The following ELFN1 variants were observed in gnomAD, a reference collection of about 807,000 sequenced individuals.
The protein encoded by ELFN1 is extracellular leucine rich repeat and fibronectin type III domain containing 1.
In ELFN1, 6 loss-of-function variants were observed where a neutral mutation model predicts 7.6. The ratio of observed to expected loss-of-function variants is 0.79; its 90% CI spans 0.43 to 1.56. ELFN1 has a LOEUF of 1.56. Among genes scored for constraint, ELFN1 ranks in the 40% most tolerant of loss-of-function variants. The pLI is 0.01. For missense variants in ELFN1, 1,169 were observed against 1,232.2 expected, an observed-to-expected ratio of 0.95 and a Z score of 0.77; for synonymous variants, 657 against 588.1, an observed-to-expected ratio of 1.12 and a Z score of -1.70.
At chr7:1,672,199 G>C (rs1778780944) in intron 1 of ELFN1, among the ~76,000 whole-genome samples, 1 of 152,192 alleles carries the variant, frequency 6.6e-6, no homozygotes, top group African/African-American at 2.4e-5. Flanking sequence ...TGGGGTAAGG[G>C]TGCAGGGATG....
chr7:1,742,523 A>G (rs1374454135), intron 3 of ELFN1, among the ~76,000 whole-genome samples: 1 of 152,228 alleles, frequency 6.6e-6, no homozygotes, highest in Non-Finnish European at 1.5e-5. Flanking sequence ...TGCACACGGC[A>G]TGATGGTGAC....
chr7:1,732,124 G>A lies in ELFN1; in HGVS notation c.-293-12180G>A, dbSNP rs117742519. Among the ~76,000 whole-genome samples, 702 of 152,312 alleles carry A rather than the reference G, an allele frequency of 4.6e-3. 5 individuals carry two copies. Among genetic ancestry groups the A allele is most frequent in the Middle Eastern group, 0.017 (5 of 294 alleles). On this transcript the variant is annotated intron_variant, in intron 3 of 3. Coordinates refer to ENST00000424383, the MANE Select transcript of ELFN1 (RefSeq NM_001128636.4). ...TAGATGGGAATCAGAGCCTGGCAGC[G>A]TGGGGTCACAGCGGAGCAAGCACAG...
intron 1 of ELFN1, among the ~76,000 whole-genome samples, chr7:1,683,858 C>T (rs1779016070): frequency 3.3e-5 from 5 of 152,292 alleles, no homozygotes; most frequent in African/African-American, 9.6e-5. Context: ...CATTAATTTA[C>T]CTACTCCAGG....
chr7:1,706,143 G>C (rs145065357), intron 2 of ELFN1, among the ~76,000 whole-genome samples: 2 of 152,340 alleles, frequency 1.3e-5, no homozygotes, highest in East Asian at 3.9e-4. Context: ...CTCAGCAGCT[G>C]GCTGGGCACC....
intron 2 of ELFN1, among the ~76,000 whole-genome samples, chr7:1,690,306 G>T (rs1460896937): frequency 2.0e-5 from 3 of 150,316 alleles, no homozygotes; most frequent in Non-Finnish European, 4.4e-5. Context: ...TGGATGGGTG[G>T]ATTGGTGGGT....
intron 3 of ELFN1, among the ~76,000 whole-genome samples, chr7:1,723,070 T>C (rs1219462263): frequency 6.6e-6 from 1 of 152,154 alleles, no homozygotes; most frequent in African/African-American, 2.4e-5. Context: ...GGCAGGTGCC[T>C]ATAATCCCAG....
chr7:1,709,455 A>G (rs998319619), intron 3 of ELFN1, among the ~76,000 whole-genome samples: 7 of 152,232 alleles, frequency 4.6e-5, no homozygotes, highest in African/African-American at 1.7e-4. Context: ...CAGAGGCCGC[A>G]GGGGTGGCCT....
At chr7:1,741,859 A>T (rs534738035) in intron 3 of ELFN1, among the ~76,000 whole-genome samples, 1 of 151,572 alleles carries the variant, frequency 6.6e-6, no homozygotes, top group African/African-American at 2.4e-5. Flanking sequence ...CTGCCCAGAC[A>T]GGGGGTCCTC....
At chr7:1,724,676 C>A in intron 3 of ELFN1, among the ~76,000 whole-genome samples, 1 of 152,156 alleles carries the variant, frequency 6.6e-6, no homozygotes, top group Non-Finnish European at 1.5e-5. Flanking sequence ...CTGACCACAG[C>A]CTTGCCAGAG....
rs559342595 is a variant in ELFN1, at chr7:1,695,996, C to T, written c.-456+7846C>T. On this transcript the variant is annotated intron_variant, in intron 2 of 3. Transcript: ENST00000424383. The surrounding 1 kb of genome is among the most constrained non-coding windows in gnomAD (Gnocchi z 5.1). ...TGACTCCTGCCTGCCTTTGTCGGCCCCGGCTCTCATAACAAAAGCGGGACA... is the reference window on the plus strand; with the variant it reads ...TGACTCCTGCCTGCCTTTGTCGGCCTCGGCTCTCATAACAAAAGCGGGACA... Among the ~76,000 whole-genome samples, 1 of 152,238 alleles carries T rather than the reference C, an allele frequency of 6.6e-6. No homozygotes were observed. Among genetic ancestry groups the T allele is most frequent in the South Asian group, 2.1e-4 (1 of 4,824 alleles).
rs1381343669 is a variant in ELFN1, at chr7:1,678,053, A to G, written c.-549+7699A>G. 2.6e-5 allele frequency among the ~76,000 whole-genome samples: 4 copies of G among 152,250 alleles called. No individual in the cohort carries two copies. The South Asian group carries it at 6.2e-4, about 24-fold the overall frequency. ...GTCCCCAGAGACAGCTTTTCAGAGA[A>G]ACAACTCACCAGAAATCCAGTGTTC... is the stretch of plus-strand genomic sequence containing the variant. On this transcript the variant is annotated intron_variant, in intron 1 of 3. Transcript: ENST00000424383.
At chr7:1,726,048 TCACACACAATACACA>T (rs879653555) in intron 3 of ELFN1, among the ~76,000 whole-genome samples, 52 of 151,484 alleles carry the variant, frequency 3.4e-4, no homozygotes, top group South Asian at 1.3e-3. Context: ...AAAATCACAC[TCACACACAATACACA>T]CACACACAAT....
intron 3 of ELFN1, among the ~76,000 whole-genome samples, chr7:1,714,922 G>C (rs1421250641): frequency 7.2e-5 from 11 of 152,216 alleles, no homozygotes; most frequent in Admixed American, 7.2e-4. Context: ...AATGGTCCAG[G>C]TTCCTTGTAG....
intron 2 of ELFN1, chr7:1,693,907 C>G (rs1436406212): frequency 2.5e-6 from 1 of 400,110 alleles, no homozygotes; most frequent in Non-Finnish European, 5.2e-6. Flanking sequence ...CCACCTCCTC[C>G]TGCGTGCCGG....
chr7:1,716,634 G>C (rs1163609781), intron 3 of ELFN1, among the ~76,000 whole-genome samples: 3 of 152,210 alleles, frequency 2.0e-5, no homozygotes, highest in Non-Finnish European at 4.4e-5. Flanking sequence ...TACGTGTCAC[G>C]TGATGACCCC....
At chr7:1,718,127 C>T (rs769738159) in intron 3 of ELFN1, among the ~76,000 whole-genome samples, 1 of 152,194 alleles carries the variant, frequency 6.6e-6, no homozygotes, top group Non-Finnish European at 1.5e-5. Flanking sequence ...CATCTGCATC[C>T]CAGCTGTCAA....
rs2128603259 is a variant in ELFN1, at chr7:1,740,602, T to G, written c.-293-3702T>G. On this transcript the variant is annotated intron_variant, in intron 3 of 3. Coordinates refer to ENST00000424383, the MANE Select transcript of ELFN1 (RefSeq NM_001128636.4). This position sits in a 1 kb window ranked among gnomAD's most constrained non-coding sequence, Gnocchi z 5.0. Reference sequence around the variant, plus strand: ...GCCTGTGGTCTGTCCAGAACCTTCCTAGGTGATTCGGCCTTTCCCTGTTTC... The same window carrying G: ...GCCTGTGGTCTGTCCAGAACCTTCCGAGGTGATTCGGCCTTTCCCTGTTTC... Among the ~76,000 whole-genome samples, 1 of 152,266 alleles carries G rather than the reference T, an allele frequency of 6.6e-6. No individual in the cohort carries two copies. The highest frequency in any genetic ancestry group is 2.1e-4 in the South Asian group (1 of 4,830).
chr7:1,727,185 T>A (rs1780221269), intron 3 of ELFN1, among the ~76,000 whole-genome samples: 1 of 152,172 alleles, frequency 6.6e-6, no homozygotes, highest in Admixed American at 6.5e-5. Context: ...ATTGTGAGAA[T>A]GAAGAATGAA....
intron 3 of ELFN1, among the ~76,000 whole-genome samples, chr7:1,725,569 T>C (rs1780168638): frequency 6.6e-6 from 1 of 152,280 alleles, no homozygotes; most frequent in Non-Finnish European, 1.5e-5. Flanking sequence ...GAGGGTGCAC[T>C]CACACCCCAG....
Sources: allele counts gnomAD v4.1 joint callset (sites outside exome capture counted in the v4.1 genomes callset), GRCh38; gene constraint gnomAD v4.1.1; non-coding constraint Gnocchi (gnomAD v3.1); transcripts MANE v1.5; gene names NCBI Gene and HGNC (gene_info 2026-07-23, HGNC 2026-07-21).